APOO: variants seen among roughly 807,000 people sequenced by gnomAD.
APOO encodes MICOS complex subunit MIC26.
A neutral mutation model predicts 23.1 loss-of-function variants in APOO; 11 were observed. The ratio of observed to expected loss-of-function variants is 0.48; its 90% CI spans 0.30 to 0.79. APOO has a LOEUF of 0.79. APOO is among the 30% of genes least tolerant of loss of function. The probability of loss-of-function intolerance (pLI) is 0.07; values close to 1 mark genes in which losing one functional copy is unlikely to be tolerated. For synonymous variants in APOO, 59 were observed against 54.8 expected, an observed-to-expected ratio of 1.08 and a Z score of -0.34; for missense variants, 160 against 142.7, an observed-to-expected ratio of 1.12 and a Z score of -0.62.
chrX:23,903,364 C>T (rs7064180), intron 1 of APOO, among the ~76,000 whole-genome samples: 156 of 105,595 alleles, frequency 1.5e-3, no homozygotes, highest in African/African-American at 5.0e-3. Flanking sequence ...AGCGAGACTC[C>T]ATCTAGAAAA....
chrX:23,839,747 G>A (rs899220543), intron 8 of APOO, among the ~76,000 whole-genome samples: 3 of 110,723 alleles, frequency 2.7e-5, no homozygotes, highest in Admixed American at 9.7e-5. Context: ...TTGTGCACAC[G>A]TTCCCATGCA....
chrX:23,870,343 C>A lies in APOO; in HGVS notation c.293-1655G>T, dbSNP rs6627982. Among the ~76,000 whole-genome samples, 6 of 111,716 alleles carry A rather than the reference C, an allele frequency of 5.4e-5. No individual in the cohort carries two copies. The East Asian group carries it at 1.7e-3, about 31-fold the overall frequency. ...TTATTCTCTGTACCATCACTTGGTA[C>A]CTAATCCTATAGTACCCTGTGTTTA... On this transcript the variant is annotated intron_variant, in intron 4 of 8. Transcript: ENST00000379226.
intron 5 of APOO, among the ~76,000 whole-genome samples, chrX:23,867,858 T>C (rs897929882): frequency 4.5e-5 from 5 of 112,195 alleles, no homozygotes; most frequent in African/African-American, 1.6e-4. Flanking sequence ...TTCTTTATAA[T>C]TACCCAGCCT....
At chrX:23,879,245 A>G (rs1169865016) in intron 2 of APOO, among the ~76,000 whole-genome samples, 2 of 111,421 alleles carry the variant, frequency 1.8e-5, no homozygotes, top group African/African-American at 3.3e-5. Context: ...AGACCAGCCT[A>G]GCCAACATGG....
intron 8 of APOO, among the ~76,000 whole-genome samples, chrX:23,834,222 C>T (rs1923543905): frequency 9.3e-6 from 1 of 107,549 alleles, no homozygotes; most frequent in African/African-American, 3.4e-5. Flanking sequence ...TGGTGAAATC[C>T]CATCTTTACT....
At chrX:23,862,815 G>A (rs1307033021) in intron 5 of APOO, among the ~76,000 whole-genome samples, 1 of 86,424 alleles carries the variant, frequency 1.2e-5, no homozygotes, top group Non-Finnish European at 2.3e-5. Flanking sequence ...GGGACGGGAC[G>A]AGAAGGGAAG....
chrX:23,859,891 G>A (rs1324158854), intron 5 of APOO, among the ~76,000 whole-genome samples: 2 of 111,330 alleles, frequency 1.8e-5, no homozygotes, highest in East Asian at 5.6e-4. Context: ...ATAAACAAAT[G>A]AGTATTTTGG....
chrX:23,842,746 C>T (rs1445073410), intron 7 of APOO, among the ~76,000 whole-genome samples: 3 of 111,939 alleles, frequency 2.7e-5, no homozygotes, highest in African/African-American at 9.7e-5. Flanking sequence ...TGGTGGCTCA[C>T]GCCTGTAATC....
chrX:23,884,016 A>C (rs1166160080), intron 1 of APOO: 5 of 112,526 alleles, frequency 4.4e-5, no homozygotes, highest in Non-Finnish European at 9.4e-5. Flanking sequence ...GAAGCCACGA[A>C]GCTGGGAAAC....
chrX:23,890,436 G>C (rs1439464937), intron 1 of APOO, among the ~76,000 whole-genome samples: 1 of 112,082 alleles, frequency 8.9e-6, no homozygotes, highest in African/African-American at 3.2e-5. Context: ...CACGAGAAGA[G>C]CTTCTAGAGT....
rs756017165 is a variant in APOO, at chrX:23,878,925, G to C, written c.227C>G (p.Thr76Ser). The part of the protein sequence containing the change: ...QLRHYCEPYT[T>S]WCQETYSQTK... ...TCAGAACAGTTGTACCTGACACCAGGTTGTGTATGGCTCGCAATAGTGTCG... is the reference window on the plus strand; with the variant it reads ...TCAGAACAGTTGTACCTGACACCAGCTTGTGTATGGCTCGCAATAGTGTCG... Residue 76 changes from threonine to serine, a missense_variant, in exon 3 of 9, where the codon ACC (threonine) becomes AGC (serine). By Grantham distance (58) the Thr-to-Ser change is moderately conservative. Coordinates refer to ENST00000379226, the MANE Select transcript of APOO (RefSeq NM_024122.5). 1 of 1,210,347 alleles carries C rather than the reference G, an allele frequency of 8.3e-7. No homozygotes were observed. The highest frequency in any genetic ancestry group is 1.1e-6 in the Non-Finnish European group (1 of 894,681).
At chrX:23,881,202 G>A (rs996799470) in intron 1 of APOO, among the ~76,000 whole-genome samples, 1 of 109,936 alleles carries the variant, frequency 9.1e-6, no homozygotes, top group East Asian at 2.8e-4. Flanking sequence ...AGCCTCCCAA[G>A]TAGCTGGGAT....
chrX:23,838,660 T>C (rs778285709), intron 8 of APOO, among the ~76,000 whole-genome samples: 66 of 110,083 alleles, frequency 6.0e-4, no homozygotes, highest in Non-Finnish European at 1.1e-3. Flanking sequence ...CCTCGTGATC[T>C]GCCCACCTTG....
chrX:23,840,214 G>A (rs1459944466), intron 8 of APOO, 99 bp downstream of exon 8: 1 of 457,510 alleles, frequency 2.2e-6, no homozygotes, highest in South Asian at 7.2e-5. Context: ...ACATCAAATT[G>A]AAACTGTTAT....
At chrX:23,896,095 C>T (rs375412002) in intron 1 of APOO, among the ~76,000 whole-genome samples, 15 of 110,168 alleles carry the variant, frequency 1.4e-4, no homozygotes, top group African/African-American at 5.0e-4. Flanking sequence ...CGGTGAAACC[C>T]TGTCTCTACT....
At chrX:23,884,718 A>T (rs1926293947) in intron 1 of APOO, among the ~76,000 whole-genome samples, 1 of 111,839 alleles carries the variant, frequency 8.9e-6, no homozygotes, top group Non-Finnish European at 1.9e-5. Context: ...TCTGTTGTAC[A>T]ACATAATGAC....
Position 23,870,773 on chromosome X carries a change from T to A in APOO, c.293-2085A>T, listed in dbSNP as rs149881675. On this transcript the variant is annotated intron_variant, in intron 4 of 8. Coordinates refer to ENST00000379226, the MANE Select transcript of APOO (RefSeq NM_024122.5). ...GCCACTACACTCCAGCCTAGGTGAC[T>A]GAATGAGACCCTGTCTCCAAACAAA... Among the ~76,000 whole-genome samples the A allele has an allele frequency of 9.0e-4, 96 of 107,150 alleles. No individual in the cohort carries two copies. The East Asian group carries it at 0.016, about 18-fold the overall frequency. The allele number at this position is 107,150 out of a possible 115,157, so 93.0% of individuals were successfully genotyped here.
intron 8 of APOO, among the ~76,000 whole-genome samples, chrX:23,837,847 A>G (rs1227454245): frequency 9.5e-6 from 1 of 104,998 alleles, no homozygotes; most frequent in Non-Finnish European, 1.9e-5. Context: ...TTTTGTAGAG[A>G]CAGGGTTTCG....
chrX:23,849,657 C>T lies in APOO; in HGVS notation c.561+6645G>A, dbSNP rs183231130. On this transcript the variant is annotated intron_variant, in intron 7 of 8. Transcript: ENST00000379226. Reference sequence around the variant, plus strand: ...CTGTAATCTCAGCACTTTGGGAGGCCGAGGCAGGTGGACTGCCTGAGGTCA... The same window carrying T: ...CTGTAATCTCAGCACTTTGGGAGGCTGAGGCAGGTGGACTGCCTGAGGTCA... Among the ~76,000 whole-genome samples the T allele has an allele frequency of 8.6e-3, 870 of 101,117 alleles. 13 individuals are homozygous for T. The highest frequency in any genetic ancestry group is 0.03 in the African/African-American group (813 of 27,020). 87.8% of individuals were successfully genotyped at this position (101,117 alleles called of 115,157 possible). A position where few individuals can be genotyped will look rare whatever the true frequency, so the allele number is the denominator to read the frequency against.
Sources: gnomAD v4.1 joint callset for allele counts (sites outside exome capture counted in the v4.1 genomes callset) on GRCh38, gnomAD v4.1.1 for gene constraint, MANE v1.5 for transcripts, NCBI Gene and HGNC (gene_info 2026-07-23, HGNC 2026-07-21) for gene names.